Variants in GRK3 observed in about 807,000 individuals in gnomAD.
GRK3 encodes the protein adrenergic, beta, receptor kinase 2.
GRK3 carries 54 observed loss-of-function variants against 95.7 expected under a neutral mutation model. That is an observed-to-expected ratio of 0.56 (90% confidence interval 0.45 to 0.71). The LOEUF (loss-of-function observed/expected upper bound fraction) is 0.71. Among genes scored for constraint, GRK3 ranks in the 30% least tolerant of loss-of-function variants. The pLI, the probability that GRK3 is intolerant of heterozygous loss-of-function variation, is 0.00. For synonymous variants in GRK3, 281 were observed against 290.8 expected, an observed-to-expected ratio of 0.97 and a Z score of 0.34; for missense variants, 649 against 851.2, an observed-to-expected ratio of 0.76 and a Z score of 2.96.
chr22:25,583,662 G>A (rs1450721775), intron 1 of GRK3, among the ~76,000 whole-genome samples: 2 of 152,164 alleles, frequency 1.3e-5, no homozygotes, highest in Non-Finnish European at 2.9e-5. Flanking sequence ...GGGTAAGGAT[G>A]CAGCACCTAT....
At chr22:25,713,689 T>C (rs1308724547) in intron 17 of GRK3, among the ~76,000 whole-genome samples, 1 of 152,238 alleles carries the variant, frequency 6.6e-6, no homozygotes, top group East Asian at 1.9e-4. Context: ...CAGAAAACCA[T>C]TTTCTTTGCT....
chr22:25,698,233 G>A (rs938564535), intron 13 of GRK3, among the ~76,000 whole-genome samples: 1 of 149,958 alleles, frequency 6.7e-6, no homozygotes, highest in African/African-American at 2.5e-5. Context: ...AGGAAGAAGA[G>A]GGAAGAAAGG....
chr22:25,686,342 G>A (rs1402087504), intron 10 of GRK3, among the ~76,000 whole-genome samples: 1 of 152,178 alleles, frequency 6.6e-6, no homozygotes, highest in Non-Finnish European at 1.5e-5. Context: ...CCCTGCTTAT[G>A]TGACTGCCAA....
chr22:25,660,878 A>G (rs2146400419), intron 3 of GRK3, among the ~76,000 whole-genome samples: 1 of 152,340 alleles, frequency 6.6e-6, no homozygotes, highest in South Asian at 2.1e-4. Context: ...ATTGGGAGCC[A>G]TTTCCACATA....
chr22:25,616,433 G>A (rs1449320678), intron 2 of GRK3, among the ~76,000 whole-genome samples: 1 of 151,858 alleles, frequency 6.6e-6, no homozygotes, highest in Non-Finnish European at 1.5e-5. Flanking sequence ...GGTGCCACAC[G>A]CTGTTAAACC....
At chr22:25,604,236 T>G (rs1601466405) in intron 1 of GRK3, 141 bp from the exon 2 acceptor site, 1 of 541,580 alleles carries the variant, frequency 1.8e-6, no homozygotes, top group Non-Finnish European at 3.2e-6. Context: ...TTTAGGCTGG[T>G]CTGCATTTCA....
intron 7 of GRK3, among the ~76,000 whole-genome samples, chr22:25,674,180 G>A (rs2085007676): frequency 6.6e-6 from 1 of 152,112 alleles, no homozygotes; most frequent in Admixed American, 6.6e-5. Context: ...AGTTCGGCTT[G>A]GTTCCACTCC....
At chr22:25,702,959 C>T (rs1181473229) in intron 13 of GRK3, 5 of 450,656 alleles carry the variant, frequency 1.1e-5, no homozygotes, top group East Asian at 7.0e-5. Flanking sequence ...AAACAGGAAG[C>T]GCTCAGAGCT....
At chr22:25,668,733 C>A (rs982773399) in intron 6 of GRK3, among the ~76,000 whole-genome samples, 1 of 152,174 alleles carries the variant, frequency 6.6e-6, no homozygotes, top group Non-Finnish European at 1.5e-5. Flanking sequence ...AGTCCTGGGC[C>A]ATCTCCATGG....
chr22:25,573,978 C>T (rs1224627437), intron 1 of GRK3, among the ~76,000 whole-genome samples: 2 of 152,166 alleles, frequency 1.3e-5, no homozygotes, highest in African/African-American at 4.8e-5. Flanking sequence ...CCACCAACAA[C>T]AAAAACCCAT....
At chr22:25,610,467 A>G (rs1214542113) in intron 2 of GRK3, among the ~76,000 whole-genome samples, 1 of 152,192 alleles carries the variant, frequency 6.6e-6, no homozygotes, top group African/African-American at 2.4e-5. Flanking sequence ...ACTCTGTCTC[A>G]AAAAACAACT....
At chr22:25,696,244 T>G (rs2085208128) in intron 13 of GRK3, among the ~76,000 whole-genome samples, 2 of 152,146 alleles carry the variant, frequency 1.3e-5, no homozygotes, top group Admixed American at 6.6e-5. Flanking sequence ...CCTCCCAAAG[T>G]GCTGGGATTA....
rs151113571 is a variant in GRK3, at chr22:25,629,168, C to T, written c.191-15424C>T. The stretch of plus-strand genomic sequence containing the variant: ...TAGAAGGGGCAGCTCTGCCTTGCCT[C>T]GGGGAGCGGACTTCCAAGTGTGCTG... On this transcript the variant is annotated intron_variant, in intron 2 of 20. Transcript: ENST00000324198. 2.2e-3 allele frequency among the ~76,000 whole-genome samples: 334 copies of T among 152,242 alleles called. 2 individuals are homozygous for T. Among genetic ancestry groups the T allele is most frequent in the Non-Finnish European group, 3.1e-3 (214 of 68,012 alleles).
chr22:25,602,270 AAT>A (rs1287866861), intron 1 of GRK3, among the ~76,000 whole-genome samples: 1 of 152,232 alleles, frequency 6.6e-6, no homozygotes, highest in Non-Finnish European at 1.5e-5. Flanking sequence ...AGTACAATAA[AAT>A]ACTACTACAC....
chr22:25,638,052 A>G (rs1440330639), intron 2 of GRK3, among the ~76,000 whole-genome samples: 1 of 152,214 alleles, frequency 6.6e-6, no homozygotes, highest in Non-Finnish European at 1.5e-5. Flanking sequence ...GAAATTAACC[A>G]TCACACATCC....
intron 14 of GRK3, among the ~76,000 whole-genome samples, chr22:25,703,867 G>C (rs983987732): frequency 2.6e-5 from 4 of 152,264 alleles, no homozygotes; most frequent in African/African-American, 7.2e-5. Flanking sequence ...CAAAGAAAAG[G>C]AGAAATTACT....
intron 11 of GRK3, among the ~76,000 whole-genome samples, chr22:25,687,898 C>T (rs1018455357): frequency 6.6e-6 from 1 of 152,186 alleles, no homozygotes; most frequent in Non-Finnish European, 1.5e-5. Context: ...ACAGTGCCTG[C>T]TGCAGCACGT....
chr22:25,604,939 T>C, intron 2 of GRK3, among the ~76,000 whole-genome samples: 1 of 152,258 alleles, frequency 6.6e-6, no homozygotes, highest in Non-Finnish European at 1.5e-5. Flanking sequence ...GAGATAATTC[T>C]GGGCTTGCCC....
intron 12 of GRK3, 44 bp downstream of exon 12, chr22:25,690,327 C>A: frequency 6.9e-7 from 1 of 1,443,676 alleles, no homozygotes; most frequent in Non-Finnish European, 9.7e-7. Flanking sequence ...TTCTCTCCTG[C>A]CCTTTCAAAG....
Sources: allele counts gnomAD v4.1 joint callset (sites outside exome capture counted in the v4.1 genomes callset), GRCh38; gene constraint gnomAD v4.1.1; transcripts MANE v1.5; gene names NCBI Gene and HGNC (gene_info 2026-07-23, HGNC 2026-07-21).